ULK4: variants seen among roughly 807,000 people sequenced by gnomAD.
The protein encoded by ULK4 is unc-51 like kinase 4.
ULK4 carries 133 observed loss-of-function variants against 160.6 expected under a neutral mutation model. That is an observed-to-expected ratio of 0.83 (90% CI 0.72 to 0.96). The LOEUF is 0.96. Among genes scored for constraint, ULK4 ranks in the 40% least tolerant of loss-of-function variants. The pLI is 0.00. For synonymous variants in ULK4, 534 were observed against 539.8 expected (o/e 0.99, Z 0.15); for missense variants, 1,580 against 1,499.5 (o/e 1.05, Z -0.89).
chr3:41,807,235 A>G (rs1354966244), intron 19 of ULK4, among the ~76,000 whole-genome samples: 1 of 152,164 alleles, frequency 6.6e-6, no homozygotes, highest in Non-Finnish European at 1.5e-5. Flanking sequence ...ATAATCCTAC[A>G]TTTATTTAAC....
chr3:41,706,849 A>ATATATG (rs1338692017), intron 25 of ULK4, among the ~76,000 whole-genome samples: 1 of 102,382 alleles, frequency 9.8e-6, no homozygotes, highest in African/African-American at 5.1e-5. Flanking sequence ...AAAAAAAAAT[A>ATATATG]TGTGTGTGTG....
chr3:41,794,654 C>A, intron 20 of ULK4, among the ~76,000 whole-genome samples: 2 of 28,362 alleles, frequency 7.1e-5, no homozygotes, highest in African/African-American at 1.5e-4. Flanking sequence ...GAGCAAGACT[C>A]TGTCTCAAAA....
chr3:41,293,654 A>G (rs1307860041), intron 35 of ULK4, among the ~76,000 whole-genome samples: 1 of 152,192 alleles, frequency 6.6e-6, no homozygotes, highest in East Asian at 1.9e-4. Context: ...GCAACATGCA[A>G]ACCAAACTAT....
chr3:41,268,741 G>T (rs1185330299), intron 35 of ULK4, among the ~76,000 whole-genome samples: 2 of 149,174 alleles, frequency 1.3e-5, no homozygotes, highest in Non-Finnish European at 3.0e-5. Context: ...GGAGATGGAG[G>T]CTGCAGTGAG....
chr3:41,638,920 A>C (rs1051993719), intron 30 of ULK4, among the ~76,000 whole-genome samples: 1 of 152,242 alleles, frequency 6.6e-6, no homozygotes, highest in Admixed American at 6.5e-5. Flanking sequence ...AGGGAGGATA[A>C]CATCAAAAAA....
At chr3:41,449,859 G>C (rs2083386701) in intron 34 of ULK4, among the ~76,000 whole-genome samples, 2 of 148,774 alleles carry the variant, frequency 1.3e-5, no homozygotes, top group Non-Finnish European at 3.0e-5. Flanking sequence ...CAGATGTTCA[G>C]GCGACAGCTT....
chr3:41,437,893 A>G (rs1257570787), intron 34 of ULK4, among the ~76,000 whole-genome samples: 4 of 152,112 alleles, frequency 2.6e-5, no homozygotes, highest in Non-Finnish European at 5.9e-5. Flanking sequence ...AGAGCACCTG[A>G]AAATTAGAAC....
intron 35 of ULK4, among the ~76,000 whole-genome samples, chr3:41,300,021 A>G (rs1575409383): frequency 6.6e-6 from 1 of 152,302 alleles, no homozygotes; most frequent in Middle Eastern, 3.4e-3. Context: ...AGGCCATCAG[A>G]TATTTTCTAC....
At chr3:41,630,132 C>T (rs924844393) in intron 30 of ULK4, among the ~76,000 whole-genome samples, 3 of 152,148 alleles carry the variant, frequency 2.0e-5, no homozygotes, top group Non-Finnish European at 2.9e-5. Flanking sequence ...TTCCCACAAA[C>T]ACAGCAGCTT....
Position 41,254,566 on chromosome 3 carries a change from T to G in ULK4, c.3679-4992A>C, listed in dbSNP as rs185584380. On this transcript the variant is annotated intron_variant, in intron 35 of 36. Transcript: ENST00000301831. ...AGAAATGTTCCTAATCAATCAATAA[T>G]TTAAGCTTCTACATCAAGGAACTAG... 3.9e-5 allele frequency among the ~76,000 whole-genome samples: 6 copies of G among 152,240 alleles called. No homozygotes were observed. The East Asian group carries it at 1.2e-3, about 29-fold the overall frequency.
intron 32 of ULK4, among the ~76,000 whole-genome samples, chr3:41,471,308 T>C (rs1575269638): frequency 6.6e-6 from 1 of 152,242 alleles, no homozygotes; most frequent in South Asian, 2.1e-4. Context: ...ATAACAACTG[T>C]AAATATATAT....
At chr3:41,873,881 G>GTT (rs767683719) in intron 17 of ULK4, among the ~76,000 whole-genome samples, 1 of 113,526 alleles carries the variant, frequency 8.8e-6, no homozygotes. Flanking sequence ...GGTTTTTTTT[G>GTT]TTTTTTTTTT....
intron 17 of ULK4, among the ~76,000 whole-genome samples, chr3:41,870,238 G>A (rs1344659746): frequency 1.3e-5 from 2 of 152,142 alleles, no homozygotes; most frequent in Non-Finnish European, 2.9e-5. Flanking sequence ...AATGTGAGCT[G>A]ACATTATCAT....
intron 30 of ULK4, among the ~76,000 whole-genome samples, chr3:41,619,532 G>A (rs1195842962): frequency 2.0e-5 from 3 of 152,068 alleles, no homozygotes; most frequent in African/African-American, 4.8e-5. Context: ...GGTAAATAAC[G>A]AAATGAAGGC....
chr3:41,852,080 A>G (rs1326061715), intron 17 of ULK4, among the ~76,000 whole-genome samples: 1 of 152,224 alleles, frequency 6.6e-6, no homozygotes, highest in East Asian at 1.9e-4. Context: ...ACAGAAATAA[A>G]AACTACCATC....
chr3:41,499,588 T>C (rs1342840583), intron 32 of ULK4, among the ~76,000 whole-genome samples: 1 of 152,226 alleles, frequency 6.6e-6, no homozygotes, highest in Non-Finnish European at 1.5e-5. Context: ...CCTTCACTTC[T>C]ACATAAAGAT....
chr3:41,666,005 A>C (rs2035340383), intron 29 of ULK4, among the ~76,000 whole-genome samples: 2 of 152,250 alleles, frequency 1.3e-5, no homozygotes, highest in African/African-American at 2.4e-5. Context: ...GGCAGAGACA[A>C]GGAAAGACCA....
In ULK4 at chr3:41,266,465, A is replaced by G. The variant is rs555249281; in HGVS notation, c.3679-16891T>C. 9.3e-4 allele frequency among the ~76,000 whole-genome samples: 141 copies of G among 152,284 alleles called. 1 individual carries two copies. Among genetic ancestry groups the G allele is most frequent in the African/African-American group, 3.2e-3 (133 of 41,568 alleles). On this transcript the variant is annotated intron_variant, in intron 35 of 36. Transcript: ENST00000301831. ...ACAGAGTCAAGGTCCCAGAGCACTG[A>G]GACCACTGAGACCAAGAGAGACTCC...
intron 25 of ULK4, among the ~76,000 whole-genome samples, chr3:41,709,060 C>T (rs1004446728): frequency 6.6e-6 from 1 of 152,012 alleles, no homozygotes; most frequent in Non-Finnish European, 1.5e-5. Context: ...AATACAAATG[C>T]ATCTATATGA....
Sources: allele counts gnomAD v4.1 joint callset (sites outside exome capture counted in the v4.1 genomes callset), GRCh38; gene constraint gnomAD v4.1.1; transcripts MANE v1.5; gene names NCBI Gene and HGNC (gene_info 2026-07-23, HGNC 2026-07-21).